PTPRD: variants seen among roughly 807,000 people sequenced by gnomAD.
PTPRD encodes protein tyrosine phosphatase receptor type D, also known as receptor-type tyrosine-protein phosphatase delta.
A neutral mutation model predicts 214.5 loss-of-function variants in PTPRD; 34 were observed. The ratio of observed to expected loss-of-function variants is 0.16; its 90% CI spans 0.12 to 0.21. PTPRD has a LOEUF of 0.21. Among genes scored for constraint, PTPRD ranks in the 10% least tolerant of loss-of-function variants. The pLI, the probability that PTPRD is intolerant of heterozygous loss-of-function variation, is 1.00. For missense variants in PTPRD, 2,545 were observed against 2,398.7 expected (o/e 1.06, Z -1.27); for synonymous variants, 1,128 against 845.7 (o/e 1.33, Z -5.79).
At chr9:10,256,930 T>A (rs1247771353) in intron 3 of PTPRD, among the ~76,000 whole-genome samples, 1 of 152,200 alleles carries the variant, frequency 6.6e-6, no homozygotes, top group Non-Finnish European at 1.5e-5. Flanking sequence ...CCTCTACCAT[T>A]CTTTCTTCAT....
At chr9:10,309,628 G>C (rs1216818834) in intron 3 of PTPRD, among the ~76,000 whole-genome samples, 1 of 151,340 alleles carries the variant, frequency 6.6e-6, no homozygotes, top group East Asian at 1.9e-4. Context: ...GCCTACCAAA[G>C]TGCTGGGATT....
intron 3 of PTPRD, among the ~76,000 whole-genome samples, chr9:10,237,570 A>C (rs971767276): frequency 2.6e-5 from 4 of 151,960 alleles, no homozygotes; most frequent in African/African-American, 9.7e-5. Flanking sequence ...TACTCAAAAG[A>C]CACATGACAT....
At chr9:9,310,194 G>T (rs1595574341) in intron 9 of PTPRD, among the ~76,000 whole-genome samples, 1 of 152,140 alleles carries the variant, frequency 6.6e-6, no homozygotes, top group Admixed American at 6.6e-5. Context: ...GTGAAGTGTG[G>T]CTTGGAGAGG....
chr9:8,829,315 C>A (rs2097237933), intron 11 of PTPRD, among the ~76,000 whole-genome samples: 1 of 152,156 alleles, frequency 6.6e-6, no homozygotes, highest in Non-Finnish European at 1.5e-5. Flanking sequence ...TATGCCAAGG[C>A]AATCACTGTC....
At chr9:10,322,832 CA>C (rs1264139479) in intron 3 of PTPRD, among the ~76,000 whole-genome samples, 1 of 151,854 alleles carries the variant, frequency 6.6e-6, no homozygotes, top group Non-Finnish European at 1.5e-5. Context: ...ATCCAAGTGC[CA>C]ACATGTCATC....
chr9:10,054,296 G>A (rs891409346), intron 3 of PTPRD, among the ~76,000 whole-genome samples: 3 of 152,092 alleles, frequency 2.0e-5, no homozygotes, highest in African/African-American at 7.2e-5. Flanking sequence ...GGCAATAACA[G>A]ATACCAGCAG....
chr9:9,093,676 G>A (rs547786235), intron 10 of PTPRD, among the ~76,000 whole-genome samples: 1 of 151,382 alleles, frequency 6.6e-6, no homozygotes, highest in African/African-American at 2.4e-5. Context: ...GGGCGGGGGG[G>A]CGGATGTAGC....
At chr9:9,267,421 A>T (rs992186953) in intron 9 of PTPRD, among the ~76,000 whole-genome samples, 5 of 151,330 alleles carry the variant, frequency 3.3e-5, no homozygotes, top group African/African-American at 1.2e-4. Context: ...AAAATCTCTC[A>T]TAAAAGAAAG....
intron 3 of PTPRD, among the ~76,000 whole-genome samples, chr9:10,130,488 GGT>G (rs1306981714): frequency 6.6e-6 from 1 of 151,864 alleles, no homozygotes; most frequent in Non-Finnish European, 1.5e-5. Context: ...CTTAACTGTG[GGT>G]TTTTTGAGGT....
At chr9:8,537,722 T>G (rs988673714) in intron 14 of PTPRD, among the ~76,000 whole-genome samples, 3 of 151,990 alleles carry the variant, frequency 2.0e-5, no homozygotes, top group African/African-American at 7.2e-5. Flanking sequence ...CTCCATTTTA[T>G]GAAATATTCC....
rs529167681 is a variant in PTPRD, at chr9:9,803,733, C to T, written c.-367-36882G>A. The T allele has an allele frequency of 5.9e-5, 9 of 151,758 alleles. No individual in the cohort carries two copies. The South Asian group carries it at 1.9e-3, about 32-fold the overall frequency. The allele number at this position is 151,758 out of a possible 1,614,324, so 9.4% of individuals were successfully genotyped here. A position where few individuals can be genotyped will look rare whatever the true frequency, so the allele number is the denominator to read the frequency against. On this transcript the variant is annotated intron_variant, in intron 5 of 45. Transcript: ENST00000381196. ...TTCTTTCAGGAAAGAAACTGGTTTT[C>T]CTGTAAAACTAATACATGTGATTAT...
chr9:10,010,721 A>G (rs2154105332), intron 4 of PTPRD, among the ~76,000 whole-genome samples: 1 of 152,114 alleles, frequency 6.6e-6, no homozygotes, highest in East Asian at 1.9e-4. Context: ...GGAATAAAAA[A>G]TCGAGGTTTG....
intron 9 of PTPRD, among the ~76,000 whole-genome samples, chr9:9,245,092 G>T (rs959042885): frequency 3.3e-5 from 5 of 152,132 alleles, no homozygotes; most frequent in Middle Eastern, 3.4e-3. Context: ...ATGAGATATC[G>T]TCTCATACCA....
chr9:8,560,434 AATAC>A (rs1371295011), intron 14 of PTPRD, among the ~76,000 whole-genome samples: 1 of 129,636 alleles, frequency 7.7e-6, no homozygotes, highest in Non-Finnish European at 1.6e-5. Context: ...CTTAAAAAAA[AATAC>A]ATACACACAC....
chr9:9,913,365 G>A (rs969593133), intron 5 of PTPRD, among the ~76,000 whole-genome samples: 1 of 152,060 alleles, frequency 6.6e-6, no homozygotes, highest in Non-Finnish European at 1.5e-5. Context: ...TATATAAATT[G>A]CAGGAGGCAT....
intron 5 of PTPRD, among the ~76,000 whole-genome samples, chr9:9,876,945 G>A (rs115412633): frequency 0.028 from 4,214 of 152,180 alleles, 187 homozygotes; most frequent in African/African-American, 0.096. Flanking sequence ...TTTATTTTAA[G>A]AAACAAGAAA....
chr9:9,706,509 G>C lies in PTPRD; in HGVS notation c.-287+28024C>G, dbSNP rs927264434. Among the ~76,000 whole-genome samples, 64 of 150,906 alleles carry C rather than the reference G, an allele frequency of 4.2e-4. 2 individuals are homozygous for C. The highest frequency in any genetic ancestry group is 2.9e-5 in the Non-Finnish European group (2 of 67,838). ...GGCTGGAGTGCAATGACACAATCTT[G>C]GCTCACTGCAACCTCCACCTCCTGG... On this transcript the variant is annotated intron_variant, in intron 7 of 45. Coordinates refer to ENST00000381196, the MANE Select transcript of PTPRD (RefSeq NM_002839.4).
At chr9:9,315,469 C>T (rs941704343) in intron 9 of PTPRD, among the ~76,000 whole-genome samples, 4 of 151,850 alleles carry the variant, frequency 2.6e-5, no homozygotes, top group East Asian at 3.9e-4. Flanking sequence ...TAAGAGCCTG[C>T]CCATCCAATT....
chr9:8,476,409 G>A (rs2096766239), intron 30 of PTPRD, among the ~76,000 whole-genome samples: 1 of 152,094 alleles, frequency 6.6e-6, no homozygotes, highest in Admixed American at 6.5e-5. Context: ...TCCTAACAAG[G>A]TTAGGAATTG....
Sources: gnomAD v4.1 joint callset for allele counts (sites outside exome capture counted in the v4.1 genomes callset) on GRCh38, gnomAD v4.1.1 for gene constraint, MANE v1.5 for transcripts, NCBI Gene and HGNC (gene_info 2026-07-23, HGNC 2026-07-21) for gene names.